NALF1: variants seen among roughly 807,000 people sequenced by gnomAD.
The protein encoded by NALF1 is NALCN channel auxiliary factor 1.
Under a neutral mutation model 48.4 loss-of-function variants are expected in NALF1, and 3 were observed. The observed-to-expected ratio is 0.06, with a 90% CI of 0.03 to 0.16. The LOEUF (loss-of-function observed/expected upper bound fraction) is 0.16, where lower values mean the gene tolerates loss of function less well. Among genes scored for constraint, NALF1 ranks in the 10% least tolerant of loss-of-function variants. NALF1 has a pLI of 1.00. For missense variants in NALF1, 526 were observed against 571.5 expected, an observed-to-expected ratio of 0.92 and a Z score of 0.81; for synonymous variants, 262 against 245.7, an observed-to-expected ratio of 1.07 and a Z score of -0.62.
chr13:107,479,789 A>G (rs1259683711), intron 1 of NALF1, among the ~76,000 whole-genome samples: 1 of 152,212 alleles, frequency 6.6e-6, no homozygotes, highest in East Asian at 1.9e-4. Flanking sequence ...TATGACAGAC[A>G]TATTAGAAAT....
intron 1 of NALF1, among the ~76,000 whole-genome samples, chr13:107,602,407 C>T (rs924853317): frequency 7.1e-6 from 1 of 140,910 alleles, no homozygotes; most frequent in Non-Finnish European, 1.6e-5. Context: ...GTGTCTCTGC[C>T]ACCCCTACTT....
chr13:107,714,966 A>G (rs796587804), intron 1 of NALF1, among the ~76,000 whole-genome samples: 6 of 152,224 alleles, frequency 3.9e-5, no homozygotes, highest in African/African-American at 1.4e-4. Context: ...GAAAGTGTTT[A>G]GAAGGGTTTT....
At chr13:107,848,763 T>C (rs1157079962) in intron 1 of NALF1, among the ~76,000 whole-genome samples, 6 of 152,172 alleles carry the variant, frequency 3.9e-5, no homozygotes, top group Admixed American at 1.3e-4. Flanking sequence ...AAATGAAAAA[T>C]TGTGCAAAAT....
chr13:107,236,682 T>C (rs1169296676), intron 1 of NALF1, among the ~76,000 whole-genome samples: 1 of 79,774 alleles, frequency 1.3e-5, no homozygotes, highest in African/African-American at 5.1e-5. Context: ...TCTATCTATC[T>C]ATCTATCTAT....
chr13:107,225,784 C>T (rs1215535470), intron 1 of NALF1, among the ~76,000 whole-genome samples: 3 of 152,104 alleles, frequency 2.0e-5, no homozygotes, highest in African/African-American at 7.2e-5. Context: ...ATCACATCCC[C>T]TGAATTCTGA....
intron 1 of NALF1, among the ~76,000 whole-genome samples, chr13:107,281,412 A>G (rs1032311896): frequency 6.6e-6 from 1 of 152,216 alleles, no homozygotes; most frequent in Non-Finnish European, 1.5e-5. Flanking sequence ...TAATTTGAGC[A>G]TGAGGGGAAA....
intron 1 of NALF1, among the ~76,000 whole-genome samples, chr13:107,211,427 C>T (rs139694699): frequency 2.6e-5 from 4 of 152,196 alleles, no homozygotes; most frequent in Non-Finnish European, 4.4e-5. Flanking sequence ...ACAGCTTCAA[C>T]CTTCTGGATG....
intron 1 of NALF1, among the ~76,000 whole-genome samples, chr13:107,732,547 C>T (rs1876338804): frequency 6.6e-6 from 1 of 152,110 alleles, no homozygotes; most frequent in Non-Finnish European, 1.5e-5. Flanking sequence ...GGGCAGTCTT[C>T]CAATGGTTGT....
At chr13:107,575,749 G>C (rs1878121361) in intron 1 of NALF1, among the ~76,000 whole-genome samples, 1 of 152,064 alleles carries the variant, frequency 6.6e-6, no homozygotes, top group Admixed American at 6.6e-5. Flanking sequence ...GAAAAAATCA[G>C]ATTTTGCAGT....
chr13:107,773,141 A>G (rs942439660), intron 1 of NALF1, among the ~76,000 whole-genome samples: 2 of 152,198 alleles, frequency 1.3e-5, no homozygotes, highest in Non-Finnish European at 2.9e-5. Context: ...GGTAAGCAGT[A>G]TATTGGCCAT....
intron 1 of NALF1, among the ~76,000 whole-genome samples, chr13:107,527,298 C>T (rs1483180107): frequency 2.6e-5 from 4 of 151,944 alleles, no homozygotes; most frequent in East Asian, 1.9e-4. Flanking sequence ...TTAACATCAG[C>T]GAAGCGTTCA....
chr13:107,491,535 G>A (rs1924445), intron 1 of NALF1, among the ~76,000 whole-genome samples: 55,718 of 152,084 alleles, frequency 0.37, 12,078 homozygotes, highest in Non-Finnish European at 0.49. Flanking sequence ...TACCCTGTGA[G>A]TGAGGGCAGC....
At chr13:107,331,138 A>C (rs1882460528) in intron 1 of NALF1, among the ~76,000 whole-genome samples, 1 of 152,202 alleles carries the variant, frequency 6.6e-6, no homozygotes, top group Non-Finnish European at 1.5e-5. Context: ...AATAGTAAAT[A>C]CATATTTGGA....
At chr13:107,666,015 A>T (rs1200449891) in intron 1 of NALF1, among the ~76,000 whole-genome samples, 1 of 152,118 alleles carries the variant, frequency 6.6e-6, no homozygotes, top group Non-Finnish European at 1.5e-5. Flanking sequence ...AGAAGTCACA[A>T]AATGCCAAAT....
intron 1 of NALF1, among the ~76,000 whole-genome samples, chr13:107,694,759 A>G (rs746533597): frequency 3.3e-5 from 5 of 152,066 alleles, no homozygotes; most frequent in African/African-American, 4.8e-5. Context: ...CCTCCTTTGC[A>G]ACTTCTCTGT....
chr13:107,203,008 T>G (rs935243949), intron 2 of NALF1, among the ~76,000 whole-genome samples: 7 of 152,182 alleles, frequency 4.6e-5, no homozygotes, highest in African/African-American at 1.4e-4. Flanking sequence ...ATTGACTGAA[T>G]CTATAATTGC....
chr13:107,857,007 C>T (rs1022827627), intron 1 of NALF1, among the ~76,000 whole-genome samples: 1 of 152,224 alleles, frequency 6.6e-6, no homozygotes, highest in African/African-American at 2.4e-5. Flanking sequence ...TAAAGCAACA[C>T]AAAGCATTGG....
At chr13:107,584,512 T>C (rs998441366) in intron 1 of NALF1, among the ~76,000 whole-genome samples, 5 of 152,208 alleles carry the variant, frequency 3.3e-5, no homozygotes, top group Non-Finnish European at 7.3e-5. Flanking sequence ...GTGATTAATA[T>C]GTTAAAGATG....
chr13:107,358,165 CATATGTGTGT>C (rs1221803516), intron 1 of NALF1, among the ~76,000 whole-genome samples: 3 of 112,824 alleles, frequency 2.7e-5, no homozygotes, highest in South Asian at 3.3e-4. Context: ...ATATACGTAA[CATATGTGTGT>C]GTGTGTGTGT....
Sources: allele counts gnomAD v4.1 joint callset (sites outside exome capture counted in the v4.1 genomes callset), GRCh38; gene constraint gnomAD v4.1.1; transcripts MANE v1.5; gene names NCBI Gene and HGNC (gene_info 2026-07-23, HGNC 2026-07-21).